Variants in XKR6 observed in about 807,000 individuals in gnomAD.
XKR6 encodes the protein XK-related protein 6.
XKR6 carries 22 observed loss-of-function variants against 56.7 expected under a neutral mutation model. The observed-to-expected ratio is 0.39, with a 90% CI of 0.28 to 0.55. XKR6 has a LOEUF of 0.55. Among genes scored for constraint, XKR6 ranks in the 20% least tolerant of loss-of-function variants. The pLI is 0.66. For missense variants in XKR6, 852 were observed against 889.0 expected, an observed-to-expected ratio of 0.96 and a Z score of 0.53; for synonymous variants, 524 against 387.8, an observed-to-expected ratio of 1.35 and a Z score of -4.13.
chr8:11,006,853 G>A (rs9657542), intron 1 of XKR6, among the ~76,000 whole-genome samples: 6 of 152,040 alleles, frequency 3.9e-5, no homozygotes, highest in Non-Finnish European at 8.8e-5. Context: ...CTCTCTCTTT[G>A]TTTATAGAAG....
intron 1 of XKR6, among the ~76,000 whole-genome samples, chr8:11,052,831 C>T (rs1260428447): frequency 1.3e-5 from 2 of 152,056 alleles, no homozygotes; most frequent in African/African-American, 4.8e-5. Context: ...CTGCTGCCCG[C>T]CGTCCTCCCA....
At position 11,015,103 on chromosome 8, in the gene XKR6, G is replaced by C. The variant is rs146445146; in HGVS notation, c.765-90273C>G. Reference sequence around the variant, plus strand: ...CTACGATCAGGGAAGCCGGGACCTGGGTTGGGAGGAGGCGCTTGGGGGCGC... The same window carrying C: ...CTACGATCAGGGAAGCCGGGACCTGCGTTGGGAGGAGGCGCTTGGGGGCGC... On this transcript the variant is annotated intron_variant, in intron 1 of 2. Transcript: ENST00000416569. Among the ~76,000 whole-genome samples, 414 of 152,244 alleles carry C rather than the reference G, an allele frequency of 2.7e-3. 3 individuals are homozygous for C. The highest frequency in any genetic ancestry group is 9.5e-3 in the African/African-American group (396 of 41,554).
intron 1 of XKR6, among the ~76,000 whole-genome samples, chr8:11,049,125 G>C (rs1040866623): frequency 2.0e-5 from 3 of 152,200 alleles, no homozygotes; most frequent in Non-Finnish European, 2.9e-5. Flanking sequence ...TCTGGGTTCT[G>C]GGTTGCTCAG....
intron 1 of XKR6, among the ~76,000 whole-genome samples, chr8:11,009,538 A>C (rs892529997): frequency 6.6e-6 from 1 of 152,188 alleles, no homozygotes; most frequent in South Asian, 2.1e-4. Context: ...ACCAAAAAAT[A>C]GTTATAGGTT....
chr8:11,108,163 T>G (rs1798751848), intron 1 of XKR6: 1 of 390,512 alleles, frequency 2.6e-6, no homozygotes, highest in Non-Finnish European at 5.0e-6. Flanking sequence ...GATAATCGGG[T>G]GCATCTGTTC....
chr8:11,171,913 C>T (rs1053289827), intron 1 of XKR6, among the ~76,000 whole-genome samples: 1 of 151,956 alleles, frequency 6.6e-6, no homozygotes, highest in Non-Finnish European at 1.5e-5. Flanking sequence ...CTTAGCCAGC[C>T]GTGGTGGCAG....
intron 1 of XKR6, among the ~76,000 whole-genome samples, chr8:10,996,966 G>A (rs550961175): frequency 2.0e-5 from 3 of 152,008 alleles, no homozygotes; most frequent in Admixed American, 6.6e-5. Flanking sequence ...GAGACCCTGC[G>A]TTTATTTAAA....
At chr8:11,057,777 G>A (rs1799723698) in intron 1 of XKR6, among the ~76,000 whole-genome samples, 1 of 152,162 alleles carries the variant, frequency 6.6e-6, no homozygotes, top group African/African-American at 2.4e-5. Context: ...CTCCTTCAGT[G>A]GGGCCTTGGG....
intron 1 of XKR6, among the ~76,000 whole-genome samples, chr8:10,943,505 C>T (rs1457742775): frequency 6.6e-6 from 1 of 152,160 alleles, no homozygotes; most frequent in East Asian, 1.9e-4. Context: ...TGTATCTGCT[C>T]CTGCTGTCCC....
At chr8:10,943,218 C>T (rs1053621906) in intron 1 of XKR6, among the ~76,000 whole-genome samples, 8 of 152,256 alleles carry the variant, frequency 5.3e-5, no homozygotes, top group Admixed American at 3.3e-4. Flanking sequence ...AGGAGCATCA[C>T]TGTCTGAGTT....
intron 1 of XKR6, among the ~76,000 whole-genome samples, chr8:11,158,948 C>G (rs1238032763): frequency 6.6e-6 from 1 of 152,180 alleles, no homozygotes; most frequent in Non-Finnish European, 1.5e-5. Flanking sequence ...TGAGGACCCG[C>G]TTGCCGGCAC....
intron 1 of XKR6, among the ~76,000 whole-genome samples, chr8:11,158,571 C>G (rs201515408): frequency 1.3e-5 from 2 of 152,122 alleles, no homozygotes; most frequent in East Asian, 1.9e-4. Context: ...CTTCATTAGT[C>G]GCCATTGAGA....
At chr8:11,196,439 AAAC>A (rs1554484791) in intron 1 of XKR6, among the ~76,000 whole-genome samples, 17 of 152,294 alleles carry the variant, frequency 1.1e-4, no homozygotes, top group South Asian at 4.1e-4. Flanking sequence ...AAAACAAAAA[AAAC>A]AACAACAACA....
At chr8:11,128,952 A>G (rs1047511184) in intron 1 of XKR6, 1 of 456,674 alleles carries the variant, frequency 2.2e-6, no homozygotes, top group Middle Eastern at 3.3e-4. Context: ...GCAGCCAGAA[A>G]GTCTTTTTTT....
chr8:11,068,818 C>A (rs1800045547), intron 1 of XKR6, among the ~76,000 whole-genome samples: 1 of 152,096 alleles, frequency 6.6e-6, no homozygotes, highest in South Asian at 2.1e-4. Flanking sequence ...CAAGGTGGGC[C>A]CTGCCCCCTC....
chr8:11,192,154 C>CA lies in XKR6; in HGVS notation c.764+8421dup, dbSNP rs1200646854. ...GCAATATAGCAAGACCCCATCTCTA[C>CA]AAAAAAAATTTTTTTTTTTTGTGAG... On this transcript the variant is annotated intron_variant, in intron 1 of 2. Coordinates refer to ENST00000416569, the MANE Select transcript of XKR6 (RefSeq NM_173683.4). 4.0e-5 allele frequency among the ~76,000 whole-genome samples: 6 copies of CA among 151,646 alleles called. No individual in the cohort carries two copies. In the East Asian group the frequency reaches 5.9e-4, roughly 15 times the overall value.
At chr8:11,068,174 C>T (rs1043670021) in intron 1 of XKR6, among the ~76,000 whole-genome samples, 1 of 152,224 alleles carries the variant, frequency 6.6e-6, no homozygotes, top group African/African-American at 2.4e-5. Context: ...AGACTGAGTG[C>T]CCAGTGGCTG....
At chr8:11,162,866 T>G (rs1394751369) in intron 1 of XKR6, among the ~76,000 whole-genome samples, 1 of 152,242 alleles carries the variant, frequency 6.6e-6, no homozygotes, top group African/African-American at 2.4e-5. Flanking sequence ...ATTCCTATCC[T>G]AGCATAGCTA....
chr8:11,044,908 G>A (rs968585894), intron 1 of XKR6, among the ~76,000 whole-genome samples: 19 of 152,044 alleles, frequency 1.2e-4, no homozygotes, highest in African/African-American at 4.6e-4. Flanking sequence ...GTGAGCCACT[G>A]CACCCAGCCA....
Sources: gnomAD v4.1 joint callset for allele counts (sites outside exome capture counted in the v4.1 genomes callset) on GRCh38, gnomAD v4.1.1 for gene constraint, MANE v1.5 for transcripts, NCBI Gene and HGNC (gene_info 2026-07-23, HGNC 2026-07-21) for gene names.